Variants in SYNPR observed in about 807,000 individuals in gnomAD.
SYNPR encodes the protein synaptoporin.
Under a neutral mutation model 32.9 loss-of-function variants are expected in SYNPR, and 23 were observed. That is an observed-to-expected ratio of 0.70 (90% CI 0.50 to 0.99). The LOEUF is 0.99. SYNPR is among the 50% of genes least tolerant of loss of function. The pLI is 0.00. For missense variants in SYNPR, 318 were observed against 349.3 expected, an observed-to-expected ratio of 0.91 and a Z score of 0.71; for synonymous variants, 146 against 135.9, an observed-to-expected ratio of 1.07 and a Z score of -0.52.
At chr3:63,418,039 C>T (rs1019793537) in intron 2 of SYNPR, among the ~76,000 whole-genome samples, 11 of 152,194 alleles carry the variant, frequency 7.2e-5, no homozygotes, top group African/African-American at 2.7e-4. Context: ...ATTTTTCTTT[C>T]TATCATATTG....
intron 3 of SYNPR, among the ~76,000 whole-genome samples, chr3:63,524,692 T>G (rs1021867746): frequency 6.6e-6 from 1 of 152,102 alleles, no homozygotes; most frequent in Non-Finnish European, 1.5e-5. Context: ...TTCAAGGCTT[T>G]TAGACACCAT....
At chr3:63,390,971 A>C (rs6765764) in intron 2 of SYNPR, among the ~76,000 whole-genome samples, 11,034 of 152,244 alleles carry the variant, frequency 0.072, 857 homozygotes, top group African/African-American at 0.19. Context: ...TGGATACCCA[A>C]TGCCAAGAAT....
chr3:63,248,674 A>G (rs1398849408), intron 1 of SYNPR, among the ~76,000 whole-genome samples: 1 of 152,130 alleles, frequency 6.6e-6, no homozygotes, highest in East Asian at 1.9e-4. Flanking sequence ...ACTGTTTGAG[A>G]CAGTGACAAC....
chr3:63,208,410 G>A, the SYNPR span, among the ~76,000 whole-genome samples: 1 of 152,318 alleles, frequency 6.6e-6, no homozygotes, highest in South Asian at 2.1e-4. Context: ...CAGAATGAGT[G>A]AGCATTTCTC....
intron 3 of SYNPR, among the ~76,000 whole-genome samples, chr3:63,502,022 CAT>C (rs1271184273): frequency 2.0e-5 from 3 of 152,046 alleles, no homozygotes; most frequent in African/African-American, 7.2e-5. Context: ...ATTTAAGTCT[CAT>C]TAATAATTAT....
chr3:63,250,003 G>A (rs1329394918), intron 1 of SYNPR, among the ~76,000 whole-genome samples: 1 of 152,046 alleles, frequency 6.6e-6, no homozygotes, highest in Admixed American at 6.6e-5. Flanking sequence ...CTGCAACCAT[G>A]GATTAAAAAT....
rs377033053 is a variant in SYNPR, at chr3:63,507,118, G to A, written c.209+26162G>A. Among the ~76,000 whole-genome samples, 6 of 151,440 alleles carry A rather than the reference G, an allele frequency of 4.0e-5. No individual in the cohort carries two copies. In the East Asian group the frequency reaches 1.2e-3, roughly 29 times the overall value. ...GCCGACATCGCACCATGGCACTCCA[G>A]CCTGGGTGACAGAGCGAGACTCTGT... On this transcript the variant is annotated intron_variant, in intron 3 of 5. Transcript: ENST00000478300.
At chr3:63,296,357 C>T (rs1220134539) in intron 2 of SYNPR, among the ~76,000 whole-genome samples, 3 of 152,130 alleles carry the variant, frequency 2.0e-5, no homozygotes, top group Non-Finnish European at 4.4e-5. Context: ...GGACGTGGCC[C>T]ACAGTCTCCA....
chr3:63,366,756 A>G (rs1040349191), intron 2 of SYNPR, among the ~76,000 whole-genome samples: 12 of 152,196 alleles, frequency 7.9e-5, no homozygotes, highest in African/African-American at 2.2e-4. Context: ...CAGGCACTGT[A>G]ATTTTTGCAT....
chr3:63,403,564 G>A (rs892615845), intron 2 of SYNPR, among the ~76,000 whole-genome samples: 1 of 152,036 alleles, frequency 6.6e-6, no homozygotes, highest in Non-Finnish European at 1.5e-5. Flanking sequence ...TTTAACAGAT[G>A]AGACAGCACA....
intron 3 of SYNPR, among the ~76,000 whole-genome samples, chr3:63,545,062 T>C (rs1286888066): frequency 1.3e-5 from 2 of 150,874 alleles, no homozygotes; most frequent in Non-Finnish European, 3.0e-5. Context: ...TAGCGTTCCA[T>C]TGGACACAAA....
chr3:63,378,764 C>CT lies in SYNPR; in HGVS notation c.84+100031dup, dbSNP rs909571024. ...GTATTAGTAATATATGCCACCTCTC[C>CT]TTTTTTTTTCTACTGTTATTTATTT... On this transcript the variant is annotated intron_variant, in intron 2 of 5. Coordinates refer to ENST00000478300, the MANE Select transcript of SYNPR (RefSeq NM_001130003.2). Among the ~76,000 whole-genome samples the CT allele has an allele frequency of 9.3e-5, 14 of 151,108 alleles. No individual in the cohort carries two copies. The South Asian group carries it at 1.0e-3, about 11-fold the overall frequency.
At chr3:63,490,153 G>A (rs1701232572) in intron 3 of SYNPR, among the ~76,000 whole-genome samples, 1 of 152,136 alleles carries the variant, frequency 6.6e-6, no homozygotes, top group African/African-American at 2.4e-5. Context: ...GAGCCTCAAA[G>A]ATGTCTGAGG....
chr3:63,373,860 G>A lies in SYNPR; in HGVS notation c.84+95118G>A, dbSNP rs188095207. Among the ~76,000 whole-genome samples the A allele has an allele frequency of 1.7e-3, 254 of 152,264 alleles. 2 individuals are homozygous for A. The highest frequency in any genetic ancestry group is 0.01 in the Middle Eastern group (3 of 294). ...GGGCTGGTCACCTACAAAGGGAACC[G>A]CATCAGGCTAACAGTGGACCTTTCA... On this transcript the variant is annotated intron_variant, in intron 2 of 5. Transcript: ENST00000478300.
intron 3 of SYNPR, among the ~76,000 whole-genome samples, chr3:63,529,540 A>G (rs1702074361): frequency 6.6e-6 from 1 of 152,208 alleles, no homozygotes; most frequent in Non-Finnish European, 1.5e-5. Flanking sequence ...ACAGAAGCTA[A>G]ATGATCCTAG....
At position 63,303,566 on chromosome 3, in the gene SYNPR, A is replaced by G. The variant is rs2086878974; in HGVS notation, c.84+24824A>G. ...ATCCTATGGGGTCAGACAGACTCAC[A>G]TTCAAGTTTCAGCTTAACCTGTAAT... On this transcript the variant is annotated intron_variant, in intron 2 of 5. Coordinates refer to ENST00000478300, the MANE Select transcript of SYNPR (RefSeq NM_001130003.2). Among the ~76,000 whole-genome samples, 3 of 152,076 alleles carry G rather than the reference A, an allele frequency of 2.0e-5. No homozygotes were observed. The East Asian group carries it at 5.8e-4, about 29-fold the overall frequency.
intron 3 of SYNPR, among the ~76,000 whole-genome samples, chr3:63,514,403 T>A (rs1701755823): frequency 1.3e-5 from 2 of 152,046 alleles, no homozygotes; most frequent in Admixed American, 1.3e-4. Context: ...ATGGAACAAC[T>A]CATTGAAATC....
chr3:63,253,510 G>A (rs958830000), intron 2 of SYNPR, among the ~76,000 whole-genome samples: 2 of 152,094 alleles, frequency 1.3e-5, no homozygotes, highest in South Asian at 2.1e-4. Context: ...TCTATATATT[G>A]TATTTGTTTA....
At chr3:63,249,549 G>A (rs570823298) in intron 1 of SYNPR, among the ~76,000 whole-genome samples, 1 of 152,254 alleles carries the variant, frequency 6.6e-6, no homozygotes, top group East Asian at 1.9e-4. Flanking sequence ...GGAATTAGAA[G>A]AAAGAGTGGG....
Sources: gnomAD v4.1 joint callset for allele counts (sites outside exome capture counted in the v4.1 genomes callset) on GRCh38, gnomAD v4.1.1 for gene constraint, MANE v1.5 for transcripts, NCBI Gene and HGNC (gene_info 2026-07-23, HGNC 2026-07-21) for gene names.